CNTN3: variants seen among roughly 807,000 people sequenced by gnomAD.
The protein encoded by CNTN3 is contactin-3.
A neutral mutation model predicts 119.1 loss-of-function variants in CNTN3; 60 were observed. The ratio of observed to expected loss-of-function variants is 0.50; its 90% CI spans 0.41 to 0.62. The LOEUF is 0.62. Ranked by LOEUF, CNTN3 falls within the 20% of genes least tolerant of loss-of-function variation. CNTN3 has a pLI of 0.00. For synonymous variants in CNTN3, 450 were observed against 438.7 expected (o/e 1.03, Z -0.32); for missense variants, 1,101 against 1,242.4 (o/e 0.89, Z 1.71).
intron 4 of CNTN3, among the ~76,000 whole-genome samples, chr3:74,427,192 T>TATTCCTTG: frequency 6.6e-6 from 1 of 152,160 alleles, no homozygotes; most frequent in Non-Finnish European, 1.5e-5. Context: ...GGACGTAGCA[T>TATTCCTTG]CAGGAAGCAA....
chr3:74,292,234 G>A (rs1702245182), intron 19 of CNTN3, among the ~76,000 whole-genome samples: 2 of 152,202 alleles, frequency 1.3e-5, no homozygotes, highest in Non-Finnish European at 2.9e-5. Flanking sequence ...AAATTCTTCT[G>A]AGGGATGTCT....
At chr3:74,288,149 C>CT (rs150738113) in intron 19 of CNTN3, among the ~76,000 whole-genome samples, 32,186 of 129,792 alleles carry the variant, frequency 0.25, 4,977 homozygotes, top group East Asian at 0.55. Flanking sequence ...TTTTTCTTTT[C>CT]TTTTCTTTTC....
chr3:74,568,388 C>T (rs1345116247), intron 1 of CNTN3, among the ~76,000 whole-genome samples: 2 of 152,162 alleles, frequency 1.3e-5, no homozygotes, highest in Admixed American at 6.5e-5. Flanking sequence ...CTCCTTATTG[C>T]CCTGCTCCAT....
At chr3:74,343,684 T>C (rs1380646702) in intron 11 of CNTN3, among the ~76,000 whole-genome samples, 1 of 152,250 alleles carries the variant, frequency 6.6e-6, no homozygotes. Context: ...TCACGGTGTC[T>C]TGTCGTATCC....
intron 4 of CNTN3, among the ~76,000 whole-genome samples, chr3:74,455,162 GTCTTTT>G (rs1702243831): frequency 6.6e-6 from 1 of 151,952 alleles, no homozygotes; most frequent in Non-Finnish European, 1.5e-5. Context: ...CGTAGATTTG[GTCTTTT>G]CACATAGTCC....
At chr3:74,368,795 A>G (rs1362783724) in intron 8 of CNTN3, among the ~76,000 whole-genome samples, 1 of 151,968 alleles carries the variant, frequency 6.6e-6, no homozygotes, top group African/African-American at 2.4e-5. Context: ...AACTTTTCCC[A>G]AAAGGCAGTT....
intron 11 of CNTN3, among the ~76,000 whole-genome samples, chr3:74,360,822 C>G (rs1363995205): frequency 6.6e-6 from 1 of 152,140 alleles, no homozygotes; most frequent in Admixed American, 6.5e-5. Context: ...TCTCCTGCCT[C>G]TTCTGTGATT....
chr3:74,386,793 G>C (rs899407807), intron 5 of CNTN3, among the ~76,000 whole-genome samples: 1 of 152,196 alleles, frequency 6.6e-6, no homozygotes, highest in Non-Finnish European at 1.5e-5. Context: ...CATAACAAAT[G>C]ATGAGTGTTC....
At chr3:74,527,565 A>G (rs1703637595) in intron 1 of CNTN3, among the ~76,000 whole-genome samples, 1 of 151,952 alleles carries the variant, frequency 6.6e-6, no homozygotes, top group African/African-American at 2.4e-5. Context: ...CTGTTTTTCA[A>G]TTGATTCCAC....
rs111834647 is a variant in CNTN3 at position 74,281,628 on chromosome 3, G to A, written c.2704+3677C>T. Among the ~76,000 whole-genome samples the A allele has an allele frequency of 5.4e-3, 816 of 152,224 alleles. 13 individuals are homozygous for A. The highest frequency in any genetic ancestry group is 0.019 in the African/African-American group (785 of 41,532). The stretch of plus-strand genomic sequence containing the variant: ...TTCCCAAAGTGCTGGGATTATAGGC[G>A]TGAGTCCTCGTGCCTGGCCAGAAGT... On this transcript the variant is annotated intron_variant, in intron 20 of 22. Coordinates refer to ENST00000263665, the MANE Select transcript of CNTN3 (RefSeq NM_020872.3).
At chr3:74,435,238 C>T (rs1463847142) in intron 4 of CNTN3, among the ~76,000 whole-genome samples, 1 of 152,058 alleles carries the variant, frequency 6.6e-6, no homozygotes, top group Non-Finnish European at 1.5e-5. Flanking sequence ...GCAGTGGCAC[C>T]ATCTCAGCTC....
chr3:74,331,959 C>A (rs1389013102), intron 13 of CNTN3, among the ~76,000 whole-genome samples: 1 of 152,130 alleles, frequency 6.6e-6, no homozygotes, highest in Admixed American at 6.5e-5. Flanking sequence ...TTTTTTAAAA[C>A]AAATGAATGG....
At chr3:74,569,927 C>T (rs1704283033) in intron 1 of CNTN3, among the ~76,000 whole-genome samples, 1 of 152,048 alleles carries the variant, frequency 6.6e-6, no homozygotes, top group South Asian at 2.1e-4. Flanking sequence ...TGGACAAAGG[C>T]CAATCTTACT....
chr3:74,486,350 GAATT>G (rs754756779), intron 4 of CNTN3, 102 bp downstream of exon 4: 12 of 992,040 alleles, frequency 1.2e-5, no homozygotes, highest in Non-Finnish European at 1.6e-5. Context: ...TCTATTTACT[GAATT>G]AATAAAACCC....
chr3:74,398,979 C>A (rs904946844), intron 5 of CNTN3, among the ~76,000 whole-genome samples: 10 of 152,206 alleles, frequency 6.6e-5, no homozygotes, highest in Admixed American at 5.9e-4. Context: ...AGATAGTTAG[C>A]ATATCTACCA....
chr3:74,310,495 A>T (rs546193995), intron 13 of CNTN3, among the ~76,000 whole-genome samples: 4 of 152,214 alleles, frequency 2.6e-5, no homozygotes, highest in East Asian at 1.9e-4. Context: ...GCAAGTTGGT[A>T]TTGGCTGTTG....
At position 74,365,709 on chromosome 3, in the gene CNTN3, T is replaced by TGAAAGAAAAGGA; in HGVS notation, c.947-19_947-8dup. On this transcript the variant is annotated splice_polypyrimidine_tract_variant and splice_region_variant and intron_variant, in intron 8 of 22. Transcript: ENST00000263665. ...TGAACCCAATGGGGCTTTGCTTCAA[T>TGAAAGAAAAGGA]GAAAGAAAAGGAAAAAGAAAAGAAA... is the stretch of plus-strand genomic sequence containing the variant. The TGAAAGAAAAGGA allele has an allele frequency of 6.3e-7, 1 of 1,593,440 alleles. No homozygotes were observed. Among genetic ancestry groups the TGAAAGAAAAGGA allele is most frequent in the South Asian group, 1.1e-5 (1 of 87,376 alleles).
chr3:74,460,029 A>G (rs1339559818), intron 4 of CNTN3, among the ~76,000 whole-genome samples: 1 of 152,070 alleles, frequency 6.6e-6, no homozygotes. Flanking sequence ...CCCTTCCTCC[A>G]ATGAAATGTC....
chr3:74,607,493 A>T (rs1012882423), intron 1 of CNTN3, among the ~76,000 whole-genome samples: 7 of 152,340 alleles, frequency 4.6e-5, no homozygotes, highest in African/African-American at 1.7e-4. Context: ...GCCCTGCCCT[A>T]GTGGCATCAA....
Sources: allele counts gnomAD v4.1 joint callset (sites outside exome capture counted in the v4.1 genomes callset), GRCh38; gene constraint gnomAD v4.1.1; transcripts MANE v1.5; gene names NCBI Gene and HGNC (gene_info 2026-07-23, HGNC 2026-07-21).